The following USP32 variants were observed in gnomAD, a reference collection of about 807,000 sequenced individuals.
USP32 encodes the protein ubiquitin carboxyl-terminal hydrolase 32.
USP32 carries 59 observed loss-of-function variants against 204.8 expected under a neutral mutation model. The ratio of observed to expected loss-of-function variants is 0.29; its 90% CI spans 0.23 to 0.36. The LOEUF is 0.36. Among genes scored for constraint, USP32 ranks in the 10% least tolerant of loss-of-function variants. The probability of loss-of-function intolerance (pLI) is 1.00; values close to 1 mark genes in which losing one functional copy is unlikely to be tolerated. For missense variants in USP32, 1,160 were observed against 1,946.4 expected (o/e 0.60, Z 7.60); for synonymous variants, 517 against 678.4 (o/e 0.76, Z 3.70).
At chr17:60,198,220 G>A (rs746219878) in intron 27 of USP32, 40 bp downstream of exon 27, 6 of 1,595,258 alleles carry the variant, frequency 3.8e-6, no homozygotes, top group Non-Finnish European at 5.1e-6. Context: ...TTTTTCTAGA[G>A]TTTGGAAACC....
intron 1 of USP32, among the ~76,000 whole-genome samples, chr17:60,391,156 G>A (rs932694045): frequency 1.3e-5 from 2 of 152,236 alleles, no homozygotes; most frequent in African/African-American, 4.8e-5. Flanking sequence ...ATTTCATGGA[G>A]AGGGATGGAG....
chr17:60,365,558 A>C (rs1456612906), intron 1 of USP32, among the ~76,000 whole-genome samples: 1 of 152,166 alleles, frequency 6.6e-6, no homozygotes, highest in Non-Finnish European at 1.5e-5. Flanking sequence ...TCAAGGAATT[A>C]ATCTGTAACT....
intron 13 of USP32, among the ~76,000 whole-genome samples, chr17:60,224,830 T>C (rs971040990): frequency 7.9e-5 from 12 of 152,112 alleles, no homozygotes; most frequent in South Asian, 2.1e-4. Context: ...AGGGTTCTGC[T>C]ACTGTACCAG....
chr17:60,202,587 C>T (rs2259538), intron 26 of USP32, among the ~76,000 whole-genome samples: 5 of 151,798 alleles, frequency 3.3e-5, no homozygotes, highest in Admixed American at 6.6e-5. Flanking sequence ...ACATGGTTTA[C>T]TCCTTCCAAT....
intron 5 of USP32, among the ~76,000 whole-genome samples, chr17:60,274,443 T>C (rs1203351808): frequency 2.6e-5 from 4 of 152,104 alleles, no homozygotes; most frequent in African/African-American, 9.7e-5. Flanking sequence ...AGAAGTTCAA[T>C]GAACCTTGTG....
chr17:60,338,736 A>C (rs921150393), intron 2 of USP32, among the ~76,000 whole-genome samples: 1 of 152,204 alleles, frequency 6.6e-6, no homozygotes, highest in African/African-American at 2.4e-5. Flanking sequence ...TCTCAAAAAA[A>C]ACATAGTGGC....
At chr17:60,379,592 A>G (rs982104425) in intron 1 of USP32, among the ~76,000 whole-genome samples, 2 of 152,160 alleles carry the variant, frequency 1.3e-5, no homozygotes, top group South Asian at 2.1e-4. Flanking sequence ...GTAACCTACA[A>G]TTGTCTATCT....
rs80012888 is a variant in USP32 at position 60,344,644 on chromosome 17, G to A, written c.186+837C>T. ...TTTTTGGTTGCTGTTTTTAAGTAGA[G>A]ATGAGGTCTCACTATGCCCAGGCTG... On this transcript the variant is annotated intron_variant, in intron 2 of 33. Coordinates refer to ENST00000300896, the MANE Select transcript of USP32 (RefSeq NM_032582.4). Among the ~76,000 whole-genome samples the A allele has an allele frequency of 5.7e-4, 87 of 152,030 alleles. 1 individual carries two copies. In the East Asian group the frequency reaches 0.016, roughly 29 times the overall value.
intron 1 of USP32, chr17:60,421,288 A>T: frequency 1.2e-6 from 1 of 853,072 alleles, no homozygotes; most frequent in Non-Finnish European, 1.4e-6. Flanking sequence ...CGTTTGCTGA[A>T]CATGCTGGCA....
At chr17:60,241,288 C>T (rs1362527862) in intron 11 of USP32, among the ~76,000 whole-genome samples, 3 of 152,092 alleles carry the variant, frequency 2.0e-5, no homozygotes, top group Non-Finnish European at 4.4e-5. Context: ...TGTGAGCCAA[C>T]GCACCCAGCC....
intron 10 of USP32, among the ~76,000 whole-genome samples, chr17:60,253,658 C>T (rs529454377): frequency 7.2e-5 from 11 of 152,068 alleles, no homozygotes; most frequent in South Asian, 2.1e-4. Flanking sequence ...CCCAGCTACT[C>T]GGGAGGTTGA....
intron 1 of USP32, among the ~76,000 whole-genome samples, chr17:60,384,621 G>A (rs966664760): frequency 5.3e-5 from 8 of 151,936 alleles, no homozygotes; most frequent in Non-Finnish European, 7.4e-5. Flanking sequence ...AAGAAACTCC[G>A]TCTCTACTGA....
At chr17:60,404,494 A>G (rs1274971063) in intron 1 of USP32, among the ~76,000 whole-genome samples, 1 of 152,162 alleles carries the variant, frequency 6.6e-6, no homozygotes, top group African/African-American at 2.4e-5. Context: ...CCAGATTTCT[A>G]CAAGAAGACA....
At chr17:60,373,349 A>G (rs934767484) in intron 1 of USP32, among the ~76,000 whole-genome samples, 1 of 152,108 alleles carries the variant, frequency 6.6e-6, no homozygotes, top group African/African-American at 2.4e-5. Context: ...ATTACCATGG[A>G]GTACTGCAGT....
At chr17:60,274,611 G>C (rs1183993775) in intron 5 of USP32, among the ~76,000 whole-genome samples, 1 of 151,940 alleles carries the variant, frequency 6.6e-6, no homozygotes, top group African/African-American at 2.4e-5. Flanking sequence ...CAACAGGGAA[G>C]AAGTACTGAA....
At chr17:60,213,091 C>T (rs1009092386) in intron 18 of USP32, among the ~76,000 whole-genome samples, 1 of 152,118 alleles carries the variant, frequency 6.6e-6, no homozygotes, top group African/African-American at 2.4e-5. Context: ...AATGTTGCCA[C>T]AAAACTTGAT....
chr17:60,210,922 G>C, intron 21 of USP32, 91 bp downstream of exon 21: 14 of 1,471,086 alleles, frequency 9.5e-6, no homozygotes, highest in Non-Finnish European at 1.3e-5. Context: ...CATTTATTAA[G>C]TTAAAAGGCT....
At chr17:60,219,647 A>T (rs1422826630) in intron 16 of USP32, 23 bp downstream of exon 16, 1 of 1,604,338 alleles carries the variant, frequency 6.2e-7, no homozygotes, top group Non-Finnish European at 8.5e-7. Context: ...AATGCTGAGG[A>T]AACATTCTCA....
chr17:60,316,394 T>C (rs1306905102), intron 2 of USP32, among the ~76,000 whole-genome samples: 6 of 152,204 alleles, frequency 3.9e-5, no homozygotes, highest in Admixed American at 2.0e-4. Context: ...GGAGTTTTTC[T>C]ATTTTCATGT....
Sources: gnomAD v4.1 joint callset for allele counts (sites outside exome capture counted in the v4.1 genomes callset) on GRCh38, gnomAD v4.1.1 for gene constraint, MANE v1.5 for transcripts, NCBI Gene and HGNC (gene_info 2026-07-23, HGNC 2026-07-21) for gene names.